CAMSAP1: variants seen among roughly 807,000 people sequenced by gnomAD.
CAMSAP1 encodes the protein calmodulin regulated spectrin associated protein 1, also known as calmodulin-regulated spectrin-associated protein 1.
CAMSAP1 carries 58 observed loss-of-function variants against 143.5 expected under a neutral mutation model. That is an observed-to-expected ratio of 0.40 (90% CI 0.33 to 0.50). The LOEUF is 0.50. Among genes scored for constraint, CAMSAP1 ranks in the 20% least tolerant of loss-of-function variants. The pLI is 0.45. For missense variants in CAMSAP1, 1,969 were observed against 2,115.7 expected, an observed-to-expected ratio of 0.93 and a Z score of 1.36; for synonymous variants, 945 against 859.3, an observed-to-expected ratio of 1.10 and a Z score of -1.74.
At chr9:135,890,633 G>C (rs1838262620) in intron 1 of CAMSAP1, among the ~76,000 whole-genome samples, 1 of 152,202 alleles carries the variant, frequency 6.6e-6, no homozygotes, top group South Asian at 2.1e-4. Context: ...CCCAGCCTCA[G>C]GGGACTAGAG....
chr9:135,864,261 G>A (rs1276146645), intron 4 of CAMSAP1, among the ~76,000 whole-genome samples: 1 of 152,174 alleles, frequency 6.6e-6, no homozygotes, highest in Non-Finnish European at 1.5e-5. Context: ...ACTAAATCAC[G>A]TAAGTGCTTT....
In CAMSAP1 at chr9:135,818,002, G is replaced by T; in HGVS notation, c.4246C>A (p.His1416Asn). Residue 1416 changes from histidine to asparagine, a missense_variant, in exon 14 of 17, where the codon CAT (histidine) becomes AAT (asparagine). Transcript: ENST00000389532. This position sits in a 1 kb window ranked among gnomAD's most constrained non-coding sequence, Gnocchi z 7.7. The part of the protein sequence containing the change: ...SAATTEPESV[H>N]SGGTPSQRVE... Reference sequence around the variant, plus strand: ...CGCTGAGAGGGTGTGCCCCCGGAATGAACGCTCTCGGGTTCTGTCGTCGCC... The same window carrying T: ...CGCTGAGAGGGTGTGCCCCCGGAATTAACGCTCTCGGGTTCTGTCGTCGCC... 6.2e-7 allele frequency: 1 copy of T among 1,613,938 alleles called. No homozygotes were observed. The highest frequency in any genetic ancestry group is 1.1e-5 in the South Asian group (1 of 91,080).
intron 8 of CAMSAP1, 108 bp downstream of exon 8, chr9:135,827,299 A>G: frequency 5.3e-6 from 6 of 1,142,538 alleles, no homozygotes; most frequent in Non-Finnish European, 7.0e-6. Context: ...TCATAAGCGA[A>G]TACAAATTGC....
chr9:135,834,689 G>A (rs1835958758), intron 7 of CAMSAP1, among the ~76,000 whole-genome samples: 1 of 152,108 alleles, frequency 6.6e-6, no homozygotes, highest in Admixed American at 6.5e-5. Context: ...CCATTTTAAG[G>A]TAAGTAAGGC....
intron 7 of CAMSAP1, among the ~76,000 whole-genome samples, chr9:135,842,266 T>C (rs1588464945): frequency 6.6e-6 from 1 of 152,048 alleles, no homozygotes; most frequent in Non-Finnish European, 1.5e-5. Context: ...GAAGATCAAC[T>C]TAATGAAATA....
At chr9:135,881,527 T>C in intron 3 of CAMSAP1, 106 bp downstream of exon 3, 3 of 1,291,384 alleles carry the variant, frequency 2.3e-6, no homozygotes, top group Non-Finnish European at 2.2e-6. Flanking sequence ...TGGTCCCAAA[T>C]GAAGGGCTGG....
intron 7 of CAMSAP1, among the ~76,000 whole-genome samples, chr9:135,837,394 G>A (rs1237164689): frequency 8.3e-6 from 1 of 120,450 alleles, no homozygotes; most frequent in African/African-American, 3.3e-5. Flanking sequence ...CGCACTTTCT[G>A]CCCGTTGTAC....
At position 135,810,936 on chromosome 9, in the gene CAMSAP1, G is replaced by A. The variant is rs914509645; in HGVS notation, c.*373C>T. 4.1e-6 allele frequency: 1 copy of A among 241,092 alleles called. No homozygotes were observed. Among genetic ancestry groups the A allele is most frequent in the African/African-American group, 2.2e-5 (1 of 44,640 alleles). The allele number at this position is 241,092 out of a possible 1,614,324, so 14.9% of individuals were successfully genotyped here. A position where few individuals can be genotyped will look rare whatever the true frequency, so the allele number is the denominator to read the frequency against. On this transcript the variant is annotated 3_prime_UTR_variant, in exon 17 of 17. Transcript: ENST00000389532. ...GCGAGGTGAGAAGCAAGAAAGCAAA[G>A]TGGATCACGTCTAATCTATGCTGAA... is the stretch of plus-strand genomic sequence containing the variant.
intron 14 of CAMSAP1, 85 bp from the exon 15 acceptor site, chr9:135,816,090 G>A: frequency 8.0e-7 from 1 of 1,250,910 alleles, no homozygotes; most frequent in Non-Finnish European, 1.1e-6. Context: ...CCCGCAACCA[G>A]GACAGGAAGC....
chr9:135,857,845 G>C (rs1159600960), intron 5 of CAMSAP1, among the ~76,000 whole-genome samples: 1 of 152,204 alleles, frequency 6.6e-6, no homozygotes, highest in Non-Finnish European at 1.5e-5. Flanking sequence ...CTTCGGGTAT[G>C]AAGAATTTTA....
At chr9:135,854,835 C>T (rs1461893343) in intron 5 of CAMSAP1, among the ~76,000 whole-genome samples, 1 of 152,238 alleles carries the variant, frequency 6.6e-6, no homozygotes, top group Non-Finnish European at 1.5e-5. Context: ...CCTCATGCCA[C>T]GGGGGTTTGT....
chr9:135,820,670 G>A lies in CAMSAP1; in HGVS notation c.3822+169C>T, dbSNP rs921938796. On this transcript the variant is annotated intron_variant, in intron 11 of 16. Coordinates refer to ENST00000389532, the MANE Select transcript of CAMSAP1 (RefSeq NM_015447.4). This position sits in a 1 kb window ranked among gnomAD's most constrained non-coding sequence, Gnocchi z 4.4. Reference sequence around the variant, plus strand: ...GCCCGGGACTGCTTCTGGCCAAGTGGAGTCCTCGGGACAGAGACTCTGTGG... The same window carrying A: ...GCCCGGGACTGCTTCTGGCCAAGTGAAGTCCTCGGGACAGAGACTCTGTGG... Among the ~76,000 whole-genome samples the A allele has an allele frequency of 2.0e-5, 3 of 152,170 alleles. No homozygotes were observed. Among genetic ancestry groups the A allele is most frequent in the African/African-American group, 7.2e-5 (3 of 41,440 alleles).
chr9:135,870,466 C>T (rs937004713), intron 3 of CAMSAP1, among the ~76,000 whole-genome samples: 1 of 152,086 alleles, frequency 6.6e-6, no homozygotes, highest in Non-Finnish European at 1.5e-5. Context: ...AGTGTGAAAA[C>T]AGATTAATAC....
rs1378919462 is a variant in CAMSAP1 at position 135,862,337 on chromosome 9, C to T, written c.808+130G>A. ...CCCAATTTTTTCATCTATAGGCTAA[C>T]ATCCCAATTTATATTAAGGATTCCA... On this transcript the variant is annotated intron_variant, in intron 5 of 16. Transcript: ENST00000389532. 7 of 1,110,498 alleles carry T rather than the reference C, an allele frequency of 6.3e-6. No individual in the cohort carries two copies. The East Asian group carries it at 1.3e-4, about 21-fold the overall frequency. The allele number at this position is 1,110,498 out of a possible 1,614,324, so 68.8% of individuals were successfully genotyped here.
At chr9:135,827,609 GTTAC>G (rs1835723545) in intron 7 of CAMSAP1, 25 bp from the exon 8 acceptor site, 1 of 1,538,066 alleles carries the variant, frequency 6.5e-7, no homozygotes, top group Non-Finnish European at 8.8e-7. Context: ...TTTTTGCATC[GTTAC>G]TTACAACACT....
chr9:135,812,038 C>G (rs1302496339), intron 16 of CAMSAP1, among the ~76,000 whole-genome samples: 1 of 152,196 alleles, frequency 6.6e-6, no homozygotes, highest in African/African-American at 2.4e-5. Flanking sequence ...TGAAAAACAA[C>G]TTGGCTCTTC....
rs754790319 is a variant in CAMSAP1, at chr9:135,820,840, T to A, written c.3821A>T (p.Lys1274Met). The A allele has an allele frequency of 1.2e-6, 2 of 1,612,480 alleles. No individual in the cohort carries two copies. The highest frequency in any genetic ancestry group is 2.2e-5 in the South Asian group (2 of 90,980). The change falls in exon 11 of 17, where the codon AAG becomes ATG. Residue 1274 changes from lysine (K) to methionine (M), a missense_variant and splice_region_variant. By Grantham distance (95) the Lys-to-Met change is moderately conservative (BLOSUM62 -1). This residue lies in a region of CAMSAP1 where 1,390 missense variants were observed against 1,420.8 expected (regional missense o/e 0.98). Transcript: ENST00000389532. This position sits in a 1 kb window ranked among gnomAD's most constrained non-coding sequence, Gnocchi z 4.4. The part of the protein sequence containing the change: ...DQKPGVGFFF[K>M]DEQKAEDELA... Reference sequence around the variant, plus strand: ...AAACAGATGCTACCAATCCCTTACCTTGAAGAAGAAGCCGACCCCCGGCTT... The same window carrying A: ...AAACAGATGCTACCAATCCCTTACCATGAAGAAGAAGCCGACCCCCGGCTT...
intron 1 of CAMSAP1, 111 bp downstream of exon 1, chr9:135,906,889 A>C (rs1838798386): frequency 1.1e-5 from 7 of 616,672 alleles, no homozygotes; most frequent in African/African-American, 2.0e-5. Context: ...CCCTGTGCGG[A>C]CGCGGCACAA....
At chr9:135,889,748 C>CCGTGGGAGCG (rs1838230514) in intron 1 of CAMSAP1, among the ~76,000 whole-genome samples, 1 of 152,218 alleles carries the variant, frequency 6.6e-6, no homozygotes, top group Non-Finnish European at 1.5e-5. Flanking sequence ...TTCTGAGAGG[C>CCGTGGGAGCG]CGTGGGAGCG....
Sources: gnomAD v4.1 joint callset for allele counts (sites outside exome capture counted in the v4.1 genomes callset) on GRCh38, gnomAD v4.1.1 for gene constraint, gnomAD v4.1.1 regional missense constraint, Gnocchi (gnomAD v3.1) non-coding constraint, MANE v1.5 for transcripts, NCBI Gene and HGNC (gene_info 2026-07-23, HGNC 2026-07-21) for gene names.